The following SIM1 variants were observed in gnomAD, a reference collection of about 807,000 sequenced individuals.
SIM1 encodes single-minded homolog 1.
In SIM1, 18 loss-of-function variants were observed where a neutral mutation model predicts 78.2. That is an observed-to-expected ratio of 0.23 (90% CI 0.16 to 0.34). The LOEUF (loss-of-function observed/expected upper bound fraction) is 0.34. Among genes scored for constraint, SIM1 ranks in the 10% least tolerant of loss-of-function variants. SIM1 has a pLI of 1.00. For missense variants in SIM1, 939 were observed against 975.1 expected (o/e 0.96, Z 0.49); for synonymous variants, 417 against 385.2 (o/e 1.08, Z -0.97).
rs549838862 is a variant in SIM1, at chr6:100,435,273, T to C, written c.998+11995A>G. Among the ~76,000 whole-genome samples the C allele has an allele frequency of 5.8e-4, 89 of 152,352 alleles. 1 individual carries two copies. Among genetic ancestry groups the C allele is most frequent in the Middle Eastern group, 6.8e-3 (2 of 294 alleles). On this transcript the variant is annotated intron_variant, in intron 9 of 11. Transcript: ENST00000369208. ...ACTATGTAAGTATTAGGTGGAATCA[T>C]ATGAAATTGCCAATATTGAACTGTT...
At chr6:100,438,844 G>A (rs1772129976) in intron 9 of SIM1, among the ~76,000 whole-genome samples, 1 of 152,194 alleles carries the variant, frequency 6.6e-6, no homozygotes, top group Non-Finnish European at 1.5e-5. Context: ...ACTGTTCTAA[G>A]TGAAGTAACT....
chr6:100,458,884 G>T (rs1772760913), intron 2 of SIM1, among the ~76,000 whole-genome samples: 1 of 152,202 alleles, frequency 6.6e-6, no homozygotes, highest in Non-Finnish European at 1.5e-5. Context: ...AATAATTGAG[G>T]TTCCCCCTCC....
At chr6:100,436,179 G>A (rs1374596097) in intron 9 of SIM1, among the ~76,000 whole-genome samples, 2 of 152,108 alleles carry the variant, frequency 1.3e-5, no homozygotes, top group Non-Finnish European at 2.9e-5. Context: ...GTGAGTGGAC[G>A]TACTTTCCTC....
chr6:100,435,229 T>C (rs1025292047), intron 9 of SIM1, among the ~76,000 whole-genome samples: 5 of 152,264 alleles, frequency 3.3e-5, no homozygotes, highest in African/African-American at 1.2e-4. Context: ...TGCAAAATAT[T>C]GGCAAAATGT....
At chr6:100,412,739 GAAAGAAAGAAAGAAAA>G (rs1562240178) in intron 10 of SIM1, among the ~76,000 whole-genome samples, 1 of 135,846 alleles carries the variant, frequency 7.4e-6, no homozygotes, top group Admixed American at 8.1e-5. Context: ...AAGAAAGAAA[GAAAGAAAGAAAGAAAA>G]AAGAAAAGAA....
At chr6:100,402,616 C>G (rs1770948220) in intron 10 of SIM1, among the ~76,000 whole-genome samples, 1 of 110,090 alleles carries the variant, frequency 9.1e-6, no homozygotes, top group Non-Finnish European at 1.7e-5. Flanking sequence ...CTCGCCCTGT[C>G]GCCCAGGCTG....
At chr6:100,435,164 G>C (rs1436384084) in intron 9 of SIM1, among the ~76,000 whole-genome samples, 1 of 152,136 alleles carries the variant, frequency 6.6e-6, no homozygotes, top group Non-Finnish European at 1.5e-5. Context: ...TGAAGAAACT[G>C]AGTCACTTTG....
intron 10 of SIM1, among the ~76,000 whole-genome samples, chr6:100,420,013 G>T (rs894359967): frequency 3.3e-5 from 5 of 152,146 alleles, no homozygotes; most frequent in African/African-American, 7.2e-5. Context: ...GGTATGAGAT[G>T]ATGCTATTAA....
intron 2 of SIM1, among the ~76,000 whole-genome samples, chr6:100,454,716 G>T (rs927168974): frequency 1.3e-5 from 2 of 152,062 alleles, no homozygotes; most frequent in African/African-American, 4.8e-5. Context: ...AGGCTTTGCC[G>T]CAAACTTTCT....
intron 10 of SIM1, among the ~76,000 whole-genome samples, chr6:100,414,774 T>A (rs1456421562): frequency 6.6e-6 from 1 of 152,236 alleles, no homozygotes; most frequent in East Asian, 1.9e-4. Flanking sequence ...ACCCTTCTGA[T>A]ATCTGTGACT....
chr6:100,438,614 T>A (rs1772121810), intron 9 of SIM1, among the ~76,000 whole-genome samples: 1 of 152,210 alleles, frequency 6.6e-6, no homozygotes, highest in Non-Finnish European at 1.5e-5. Flanking sequence ...CTACTGGGTA[T>A]CTACCCAAAG....
intron 10 of SIM1, among the ~76,000 whole-genome samples, chr6:100,403,748 A>G (rs577427927): frequency 7.0e-4 from 106 of 152,342 alleles, no homozygotes; most frequent in Non-Finnish European, 1.3e-3. Flanking sequence ...ATGCTAACTA[A>G]TACCCATTAC....
intron 9 of SIM1, among the ~76,000 whole-genome samples, chr6:100,437,073 G>C (rs1486301106): frequency 6.6e-6 from 1 of 152,150 alleles, no homozygotes; most frequent in Non-Finnish European, 1.5e-5. Flanking sequence ...AGATAGTGTA[G>C]TTAAGCAATT....
chr6:100,402,431 AC>A (rs1390234394), intron 10 of SIM1, among the ~76,000 whole-genome samples: 1 of 152,146 alleles, frequency 6.6e-6, no homozygotes, highest in Non-Finnish European at 1.5e-5. Context: ...TTTATCATTT[AC>A]ACTTTGATTA....
chr6:100,458,328 C>A lies in SIM1; in HGVS notation c.176-4484G>T, dbSNP rs73494619. Reference sequence around the variant, plus strand: ...ATGCGGCCCAGCTTTGGCTATGCCACCTCCCTAGAGGCCCGCGCTGGCGAG... The same window carrying A: ...ATGCGGCCCAGCTTTGGCTATGCCAACTCCCTAGAGGCCCGCGCTGGCGAG... On this transcript the variant is annotated intron_variant, in intron 2 of 11. Transcript: ENST00000369208. Among the ~76,000 whole-genome samples the A allele has an allele frequency of 9.3e-3, 1,410 of 152,326 alleles. 22 individuals carry two copies. Among genetic ancestry groups the A allele is most frequent in the African/African-American group, 0.032 (1,334 of 41,570 alleles).
chr6:100,445,095 T>C (rs184195983), intron 9 of SIM1, among the ~76,000 whole-genome samples: 2 of 152,302 alleles, frequency 1.3e-5, no homozygotes, highest in Admixed American at 6.5e-5. Context: ...TCAATAGCCA[T>C]CTATTTAATT....
Position 100,420,919 on chromosome 6 carries a change from C to A in SIM1, c.1038G>T (p.Gln346His), listed in dbSNP as rs758777994. 6.2e-7 allele frequency: 1 copy of A among 1,613,708 alleles called. No individual in the cohort carries two copies. Among genetic ancestry groups the A allele is most frequent in the Non-Finnish European group, 8.5e-7 (1 of 1,179,928 alleles). ...AGAAGGCTGGTTTGGAGGCTGAGAT[C>A]TGATCCAGGGAGAGCTGCAGCCCTT... ...EYKGLQLSLD[Q>H]ISASKPAFSY... Residue 346 changes from glutamine (Q) to histidine (H), a missense_variant, in exon 10 of 12, where the codon CAG becomes CAT. Transcript: ENST00000369208.
intron 2 of SIM1, among the ~76,000 whole-genome samples, chr6:100,460,637 C>T (rs1321895670): frequency 6.6e-6 from 1 of 152,096 alleles, no homozygotes; most frequent in African/African-American, 2.4e-5. Context: ...CATTTAACGC[C>T]ACTAGAAAAG....
rs1434141697 is a variant in SIM1 at position 100,390,871 on chromosome 6, C to G, written c.1791G>C (p.Gly597=). 4 of 1,614,006 alleles carry G rather than the reference C, an allele frequency of 2.5e-6. No homozygotes were observed. The highest frequency in any genetic ancestry group is 2.5e-6 in the Non-Finnish European group (3 of 1,180,006). ...AACACAGGGAGTGTTTTTTCCCAGC[C>G]CCATTAATGGAAGCCAGTTGGTCTG... The part of the protein sequence containing the change: ...APSDQLASIN[G]AGKKHSLCFA... Residue 597 remains glycine, a synonymous_variant, in exon 12 of 12, where the codon GGG becomes GGC. Coordinates refer to ENST00000369208, the MANE Select transcript of SIM1 (RefSeq NM_005068.3).
Sources: gnomAD v4.1 joint callset for allele counts (sites outside exome capture counted in the v4.1 genomes callset) on GRCh38, gnomAD v4.1.1 for gene constraint, MANE v1.5 for transcripts, NCBI Gene and HGNC (gene_info 2026-07-23, HGNC 2026-07-21) for gene names.